The following USH2A variants were observed in gnomAD, a reference collection of about 807,000 sequenced individuals.
The protein encoded by USH2A is Usher syndrome 2A (autosomal recessive, mild).
In USH2A, 443 loss-of-function variants were observed where a neutral mutation model predicts 538.9. The ratio of observed to expected loss-of-function variants is 0.82; its 90% CI spans 0.76 to 0.89. The LOEUF (loss-of-function observed/expected upper bound fraction) is 0.89. Ranked by LOEUF, USH2A falls within the 40% of genes least tolerant of loss-of-function variation. The probability of loss-of-function intolerance (pLI) is 0.00; values close to 1 mark genes in which losing one functional copy is unlikely to be tolerated. For missense variants in USH2A, 6,633 were observed against 6,324.8 expected (o/e 1.05, Z -1.65); for synonymous variants, 2,413 against 2,273.5 (o/e 1.06, Z -1.75).
chr1:216,377,851 GAAAGAAAGAAAGAAAGAAGGAAAGAAAGA>G (rs2038860383), intron 3 of USH2A, among the ~76,000 whole-genome samples: 2 of 133,812 alleles, frequency 1.5e-5, no homozygotes, highest in African/African-American at 5.5e-5. Flanking sequence ...AAGAAAGAAA[GAAAGAAAGAAAGAAAGAAGGAAAGAAAGA>G]AAGGAAGGAA....
chr1:215,965,726 T>C (rs1016819504), intron 36 of USH2A, among the ~76,000 whole-genome samples: 3 of 152,126 alleles, frequency 2.0e-5, no homozygotes, highest in African/African-American at 4.8e-5. Context: ...AATATGTGGA[T>C]CTGCTCACAC....
chr1:215,901,486 A>C (rs1665500856), intron 38 of USH2A: 1 of 160,090 alleles, frequency 6.2e-6, no homozygotes, highest in South Asian at 1.7e-4. Context: ...TGAAAATATA[A>C]AAAGTAAACT....
intron 49 of USH2A, among the ~76,000 whole-genome samples, chr1:215,802,277 AATTAAT>A (rs1436649505): frequency 2.0e-5 from 3 of 152,114 alleles, no homozygotes; most frequent in Non-Finnish European, 4.4e-5. Context: ...GATTCATCAT[AATTAAT>A]ATTAATAACT....
At chr1:215,694,972 A>G (rs895705161) in intron 61 of USH2A, among the ~76,000 whole-genome samples, 8 of 152,380 alleles carry the variant, frequency 5.3e-5, no homozygotes, top group Middle Eastern at 3.4e-3. Flanking sequence ...GATGCATTCT[A>G]TTTATTATTG....
chr1:215,892,183 C>A (rs1413164946), intron 40 of USH2A, among the ~76,000 whole-genome samples: 5 of 151,960 alleles, frequency 3.3e-5, no homozygotes, highest in Non-Finnish European at 7.4e-5. Flanking sequence ...GTATGAATAC[C>A]CAGTTTGAAT....
At chr1:216,088,572 A>G (rs2032205518) in intron 23 of USH2A, among the ~76,000 whole-genome samples, 1 of 152,198 alleles carries the variant, frequency 6.6e-6, no homozygotes, top group Non-Finnish European at 1.5e-5. Flanking sequence ...CTAAACTTAA[A>G]TGTGAAAAAA....
At chr1:216,115,745 C>T (rs184603172) in intron 21 of USH2A, among the ~76,000 whole-genome samples, 108 of 151,444 alleles carry the variant, frequency 7.1e-4, no homozygotes, top group African/African-American at 2.6e-3. Context: ...CATAAATATA[C>T]CCCACATTGA....
chr1:216,108,840 C>A (rs2032799036), intron 21 of USH2A, among the ~76,000 whole-genome samples: 2 of 151,976 alleles, frequency 1.3e-5, no homozygotes, highest in South Asian at 4.1e-4. Context: ...AATATTTTAT[C>A]TTTTCATCCA....
chr1:216,418,496 A>G lies in USH2A; in HGVS notation c.651+18T>C. The G allele has an allele frequency of 6.2e-7, 1 of 1,611,740 alleles. No individual in the cohort carries two copies. Among genetic ancestry groups the G allele is most frequent in the East Asian group, 2.2e-5 (1 of 44,786 alleles). On this transcript the variant is annotated intron_variant, in intron 3 of 71. Transcript: ENST00000307340. ...CCTTGTGTTTAACCAAATGTTAAAT[A>G]TTTTTTATTTTACTCACCTGCACAC...
intron 40 of USH2A, among the ~76,000 whole-genome samples, chr1:215,895,717 A>G (rs957815748): frequency 2.0e-5 from 3 of 152,222 alleles, no homozygotes; most frequent in Non-Finnish European, 4.4e-5. Context: ...ATGTAATGCA[A>G]TGAGCAAATA....
chr1:215,693,421 T>C (rs1658689586), intron 61 of USH2A, among the ~76,000 whole-genome samples: 2 of 152,080 alleles, frequency 1.3e-5, no homozygotes, highest in Admixed American at 1.3e-4. Flanking sequence ...ATAAGGAAAT[T>C]GAGGCTTAGA....
At chr1:215,909,597 T>C (rs1339432006) in intron 38 of USH2A, among the ~76,000 whole-genome samples, 2 of 151,806 alleles carry the variant, frequency 1.3e-5, no homozygotes, top group Non-Finnish European at 2.9e-5. Flanking sequence ...AAAAATAAAG[T>C]CTACTAACAT....
At chr1:216,022,810 C>G (rs1166212382) in intron 32 of USH2A, among the ~76,000 whole-genome samples, 2 of 152,120 alleles carry the variant, frequency 1.3e-5, no homozygotes, top group East Asian at 3.9e-4. Context: ...AAGGTGGCCC[C>G]TGGTGGAAAA....
At chr1:216,303,964 T>G (rs1558375982) in intron 9 of USH2A, among the ~76,000 whole-genome samples, 1 of 151,990 alleles carries the variant, frequency 6.6e-6, no homozygotes, top group African/African-American at 2.4e-5. Flanking sequence ...CCATTGTGAA[T>G]AGAGTCACCT....
intron 3 of USH2A, among the ~76,000 whole-genome samples, chr1:216,386,101 C>G (rs1185088885): frequency 6.6e-6 from 1 of 152,134 alleles, no homozygotes; most frequent in African/African-American, 2.4e-5. Context: ...TCTAAAACCT[C>G]CACACAGTAC....
At chr1:215,847,992 A>T (rs1663911115) in intron 44 of USH2A, among the ~76,000 whole-genome samples, 1 of 152,146 alleles carries the variant, frequency 6.6e-6, no homozygotes. Flanking sequence ...ATTAATTTGG[A>T]AAATTCTGGG....
intron 32 of USH2A, among the ~76,000 whole-genome samples, chr1:216,031,676 T>C (rs1286896248): frequency 6.6e-6 from 1 of 152,204 alleles, no homozygotes; most frequent in South Asian, 2.1e-4. Context: ...GTGGTATTTC[T>C]GAAAATCCTT....
intron 50 of USH2A, among the ~76,000 whole-genome samples, chr1:215,796,883 C>A (rs1161183368): frequency 6.6e-6 from 1 of 151,880 alleles, no homozygotes; most frequent in Non-Finnish European, 1.5e-5. Flanking sequence ...CTTCAACAGA[C>A]CTTCTTCTCT....
chr1:216,030,512 T>G (rs1669093255), intron 32 of USH2A, among the ~76,000 whole-genome samples: 1 of 142,884 alleles, frequency 7.0e-6, no homozygotes, highest in Non-Finnish European at 1.5e-5. Flanking sequence ...ATATAAATGA[T>G]ATATAGATAT....
Sources: allele counts gnomAD v4.1 joint callset (sites outside exome capture counted in the v4.1 genomes callset), GRCh38; gene constraint gnomAD v4.1.1; transcripts MANE v1.5; gene names NCBI Gene and HGNC (gene_info 2026-07-23, HGNC 2026-07-21).